Variants in RBFOX1 observed in about 807,000 individuals in gnomAD.
RBFOX1 encodes the protein RNA binding fox-1 homolog 1.
Under a neutral mutation model 57.7 loss-of-function variants are expected in RBFOX1, and 8 were observed. The observed-to-expected ratio is 0.14, with a 90% CI of 0.08 to 0.25. The LOEUF is 0.25. Ranked by LOEUF, RBFOX1 falls within the 10% of genes least tolerant of loss-of-function variation. The pLI, the probability that RBFOX1 is intolerant of heterozygous loss-of-function variation, is 1.00. For synonymous variants in RBFOX1, 326 were observed against 222.4 expected (o/e 1.47, Z -4.15); for missense variants, 611 against 548.5 (o/e 1.11, Z -1.14).
intron 4 of RBFOX1, among the ~76,000 whole-genome samples, chr16:7,256,395 G>T (rs1445158140): frequency 6.6e-6 from 1 of 152,184 alleles, no homozygotes; most frequent in Non-Finnish European, 1.5e-5. Flanking sequence ...CTCTTTGAAA[G>T]ACAAAGGCGG....
intron 2 of RBFOX1, among the ~76,000 whole-genome samples, chr16:6,536,474 G>A (rs999861425): frequency 2.6e-4 from 40 of 152,046 alleles, no homozygotes; most frequent in African/African-American, 9.4e-4. Context: ...CATAAATTCC[G>A]TATCATCAGA....
At chr16:7,418,648 T>A (rs2098507957) in intron 4 of RBFOX1, among the ~76,000 whole-genome samples, 2 of 152,204 alleles carry the variant, frequency 1.3e-5, no homozygotes, top group South Asian at 2.1e-4. Context: ...AGATTGGATC[T>A]TAGATATTGA....
At chr16:5,580,486 C>T (rs2046628345) in intron 2 of RBFOX1, among the ~76,000 whole-genome samples, 1 of 152,222 alleles carries the variant, frequency 6.6e-6, no homozygotes, top group Non-Finnish European at 1.5e-5. Context: ...GACTTGGATG[C>T]CACCTGCTGC....
At chr16:5,434,765 G>A (rs1368102312) in intron 1 of RBFOX1, among the ~76,000 whole-genome samples, 1 of 152,070 alleles carries the variant, frequency 6.6e-6, no homozygotes, top group African/African-American at 2.4e-5. Context: ...TGTCTTATCT[G>A]GCTATACCCT....
rs78964501 is a variant in RBFOX1, at chr16:6,881,879, G to C, written c.-15-170178G>C. 6.0e-3 allele frequency among the ~76,000 whole-genome samples: 916 copies of C among 152,274 alleles called. 14 individuals carry two copies. The highest frequency in any genetic ancestry group is 0.021 in the African/African-American group (865 of 41,544). ...AAAAATCTTAAGAACTGTAGTAAAA[G>C]TTTCACAGCTGGAGTTGCTGTATAG... is the stretch of plus-strand genomic sequence containing the variant. On this transcript the variant is annotated intron_variant, in intron 3 of 15. Transcript: ENST00000550418.
intron 1 of RBFOX1, among the ~76,000 whole-genome samples, chr16:6,137,758 C>T (rs1488881735): frequency 6.6e-6 from 1 of 151,712 alleles, no homozygotes; most frequent in Non-Finnish European, 1.5e-5. Context: ...GATGTATGCA[C>T]CATCACACCT....
chr16:7,328,220 G>A (rs1203624002), intron 4 of RBFOX1, among the ~76,000 whole-genome samples: 1 of 152,100 alleles, frequency 6.6e-6, no homozygotes, highest in African/African-American at 2.4e-5. Flanking sequence ...GGTGGCTCAT[G>A]CCTGTAATCC....
chr16:7,060,748 C>G (rs1260807089), intron 4 of RBFOX1, among the ~76,000 whole-genome samples: 1 of 152,186 alleles, frequency 6.6e-6, no homozygotes, highest in Non-Finnish European at 1.5e-5. Flanking sequence ...TGGTGCTTGT[C>G]CTATGCAAAT....
At chr16:6,665,202 TG>T (rs1404421896) in intron 3 of RBFOX1, among the ~76,000 whole-genome samples, 5 of 152,170 alleles carry the variant, frequency 3.3e-5, no homozygotes, top group African/African-American at 1.2e-4. Context: ...GTAAAGTTCC[TG>T]GATGTGGCTT....
intron 4 of RBFOX1, among the ~76,000 whole-genome samples, chr16:5,968,133 G>T (rs571718683): frequency 2.6e-5 from 4 of 152,192 alleles, no homozygotes; most frequent in Admixed American, 2.6e-4. Context: ...GGAGTGCAGC[G>T]GTGCAATCTT....
chr16:7,605,723 C>T (rs552291461), intron 9 of RBFOX1, among the ~76,000 whole-genome samples: 3 of 152,304 alleles, frequency 2.0e-5, no homozygotes, highest in Admixed American at 2.0e-4. Context: ...CCTTCACATT[C>T]AAACTTTAAT....
At chr16:5,274,445 C>T (rs757276854) in intron 1 of RBFOX1, among the ~76,000 whole-genome samples, 1 of 152,172 alleles carries the variant, frequency 6.6e-6, no homozygotes, top group African/African-American at 2.4e-5. Context: ...ATGAGATTCG[C>T]TTGAACCCAG....
At chr16:6,511,963 C>A (rs184972247) in intron 2 of RBFOX1, among the ~76,000 whole-genome samples, 6 of 151,996 alleles carry the variant, frequency 3.9e-5, no homozygotes, top group Non-Finnish European at 8.8e-5. Context: ...TTCCCTGAGA[C>A]TTACCCCTAC....
At chr16:6,048,975 G>A (rs374478073) in intron 1 of RBFOX1, among the ~76,000 whole-genome samples, 4 of 151,322 alleles carry the variant, frequency 2.6e-5, no homozygotes, top group South Asian at 2.1e-4. Flanking sequence ...GCAATGTCAA[G>A]CTGTTGGAGA....
intron 10 of RBFOX1, among the ~76,000 whole-genome samples, chr16:7,622,946 A>G (rs2142109575): frequency 6.6e-6 from 1 of 152,304 alleles, no homozygotes; most frequent in South Asian, 2.1e-4. Context: ...TCTTGCGTTC[A>G]AAAATGCATG....
At chr16:6,839,927 A>G (rs375792619) in intron 3 of RBFOX1, among the ~76,000 whole-genome samples, 33 of 152,198 alleles carry the variant, frequency 2.2e-4, no homozygotes, top group African/African-American at 7.7e-4. Context: ...TATTATGTAT[A>G]TTTGCTTTAA....
intron 1 of RBFOX1, among the ~76,000 whole-genome samples, chr16:6,269,872 A>G (rs2074994305): frequency 6.6e-6 from 1 of 152,202 alleles, no homozygotes; most frequent in South Asian, 2.1e-4. Context: ...ATCTTTAAGC[A>G]AAAATTATAA....
intron 11 of RBFOX1, among the ~76,000 whole-genome samples, chr16:7,632,768 C>G (rs2061179052): frequency 6.6e-6 from 1 of 152,178 alleles, no homozygotes; most frequent in Non-Finnish European, 1.5e-5. Flanking sequence ...GCTGATGGAA[C>G]TGAGACACTC....
At chr16:7,496,199 A>T (rs2068584362) in intron 4 of RBFOX1, among the ~76,000 whole-genome samples, 1 of 152,168 alleles carries the variant, frequency 6.6e-6, no homozygotes, top group African/African-American at 2.4e-5. Flanking sequence ...GTTGGAGTAC[A>T]GTGGCATGAT....
Sources: allele counts gnomAD v4.1 joint callset (sites outside exome capture counted in the v4.1 genomes callset), GRCh38; gene constraint gnomAD v4.1.1; transcripts MANE v1.5; gene names NCBI Gene and HGNC (gene_info 2026-07-23, HGNC 2026-07-21).